Variants in FRMPD4 observed in about 807,000 individuals in gnomAD.
FRMPD4 encodes FERM and PDZ domain containing 4.
Under a neutral mutation model 94.1 loss-of-function variants are expected in FRMPD4, and 22 were observed. That is an observed-to-expected ratio of 0.23 (90% confidence interval 0.17 to 0.33). FRMPD4 has a LOEUF of 0.33. Ranked by LOEUF, FRMPD4 falls within the 10% of genes least tolerant of loss-of-function variation. The probability of loss-of-function intolerance (pLI) is 1.00; values close to 1 mark genes in which losing one functional copy is unlikely to be tolerated. For synonymous variants in FRMPD4, 631 were observed against 548.6 expected, an observed-to-expected ratio of 1.15 and a Z score of -2.10; for missense variants, 1,111 against 1,339.9, an observed-to-expected ratio of 0.83 and a Z score of 2.67.
chrX:12,447,397 C>T (rs1046091330), intron 1 of FRMPD4, among the ~76,000 whole-genome samples: 6 of 111,859 alleles, frequency 5.4e-5, no homozygotes, highest in African/African-American at 2.0e-4. Context: ...GGCAAGTCCC[C>T]CTCATTAAGA....
At chrX:12,440,105 G>A (rs1322241854) in intron 1 of FRMPD4, among the ~76,000 whole-genome samples, 1 of 111,069 alleles carries the variant, frequency 9.0e-6, no homozygotes, top group Admixed American at 9.6e-5. Flanking sequence ...TGATATATAA[G>A]GTTATCAAAT....
At chrX:11,889,645 T>A (rs1462904915) in intron 3 of FRMPD4, among the ~76,000 whole-genome samples, 2 of 112,279 alleles carry the variant, frequency 1.8e-5, no homozygotes, top group Non-Finnish European at 3.8e-5. Context: ...ACAACAAAAA[T>A]TTATTATTTC....
chrX:12,471,520 G>A (rs1457556826), intron 1 of FRMPD4, among the ~76,000 whole-genome samples: 2 of 111,689 alleles, frequency 1.8e-5, no homozygotes, highest in Non-Finnish European at 3.8e-5. Context: ...TTCACAAGGA[G>A]GGTAGTGTGA....
intron 1 of FRMPD4, among the ~76,000 whole-genome samples, chrX:12,426,876 G>GT (rs11401296): frequency 0.32 from 17,885 of 55,870 alleles, 2,365 homozygotes; most frequent in African/African-American, 0.59. Flanking sequence ...TCTAGCTGTA[G>GT]TTTTTTTTTG....
chrX:12,531,613 G>A (rs938533827), intron 2 of FRMPD4, among the ~76,000 whole-genome samples: 1 of 111,650 alleles, frequency 9.0e-6, no homozygotes, highest in African/African-American at 3.3e-5. Flanking sequence ...CATTTTGGGT[G>A]GCAAGGTTCT....
chrX:12,292,781 G>GGAAGCATTAGGTAA (rs2054709460), intron 1 of FRMPD4, among the ~76,000 whole-genome samples: 1 of 111,083 alleles, frequency 9.0e-6, no homozygotes, highest in Non-Finnish European at 1.9e-5. Context: ...GAAGTCTCTT[G>GGAAGCATTAGGTAA]ACACGCATTA....
intron 2 of FRMPD4, among the ~76,000 whole-genome samples, chrX:12,512,387 A>G (rs2058052708): frequency 1.8e-5 from 2 of 111,107 alleles, no homozygotes; most frequent in Non-Finnish European, 3.8e-5. Flanking sequence ...ACAACCCCCA[A>G]CTACAGGCCC....
intron 1 of FRMPD4, among the ~76,000 whole-genome samples, chrX:12,453,288 A>T (rs2057294042): frequency 8.9e-6 from 1 of 112,080 alleles, no homozygotes; most frequent in African/African-American, 3.2e-5. Context: ...TTTTTAAAGC[A>T]AAGTAGCTAC....
chrX:12,048,102 T>G (rs1471430708), intron 3 of FRMPD4, among the ~76,000 whole-genome samples: 1 of 112,877 alleles, frequency 8.9e-6, no homozygotes, highest in African/African-American at 3.2e-5. Flanking sequence ...GCTGCACTAA[T>G]TTACATTCCC....
intron 1 of FRMPD4, among the ~76,000 whole-genome samples, chrX:12,255,100 G>A (rs775449505): frequency 3.6e-5 from 4 of 111,428 alleles, no homozygotes; most frequent in South Asian, 3.8e-4. Context: ...TAATTTTCCC[G>A]TAAATAAAAT....
chrX:12,336,478 C>A (rs1261771584), intron 1 of FRMPD4, among the ~76,000 whole-genome samples: 1 of 111,340 alleles, frequency 9.0e-6, no homozygotes, highest in African/African-American at 3.3e-5. Flanking sequence ...TAGACAACCC[C>A]TTCCAAGAAA....
intron 1 of FRMPD4, among the ~76,000 whole-genome samples, chrX:12,331,828 AT>A (rs1328581346): frequency 2.1e-4 from 10 of 48,365 alleles, no homozygotes; most frequent in African/African-American, 1.1e-3. Flanking sequence ...CTATATATAA[AT>A]TATATATATT....
At chrX:12,352,544 A>G (rs1464374445) in intron 1 of FRMPD4, among the ~76,000 whole-genome samples, 2 of 112,470 alleles carry the variant, frequency 1.8e-5, no homozygotes, top group Non-Finnish European at 3.8e-5. Context: ...ATCAGAAACT[A>G]TTGATAGGAA....
At chrX:12,706,693 T>C (rs4532763) in intron 11 of FRMPD4, 133 bp from the exon 12 acceptor site, 20,494 of 398,832 alleles carry the variant, frequency 0.051, 2,839 homozygotes, top group African/African-American at 0.43. Context: ...TCCTAATGAA[T>C]AGTCTTTGTC....
chrX:11,996,481 G>T (rs2054496896), intron 3 of FRMPD4, among the ~76,000 whole-genome samples: 1 of 112,189 alleles, frequency 8.9e-6, no homozygotes, highest in African/African-American at 3.2e-5. Flanking sequence ...TGCATCTATT[G>T]TGCTCATCTT....
intron 3 of FRMPD4, among the ~76,000 whole-genome samples, chrX:12,050,310 G>A (rs1249079380): frequency 9.0e-6 from 1 of 111,228 alleles, no homozygotes; most frequent in Non-Finnish European, 1.9e-5. Context: ...CCTTTTCTAT[G>A]GTTAAATATG....
intron 1 of FRMPD4, among the ~76,000 whole-genome samples, chrX:11,839,616 T>C (rs1324965986): frequency 9.0e-6 from 1 of 111,669 alleles, no homozygotes; most frequent in African/African-American, 3.2e-5. Flanking sequence ...ATTTATAAGT[T>C]GAAGGTCATG....
At chrX:12,249,422 A>C (rs2054002512) in intron 1 of FRMPD4, among the ~76,000 whole-genome samples, 2 of 111,358 alleles carry the variant, frequency 1.8e-5, no homozygotes, top group African/African-American at 6.5e-5. Flanking sequence ...AAGAGTGTGG[A>C]CAAAGCTAGC....
At chrX:12,269,944 G>A (rs150435602) in intron 1 of FRMPD4, among the ~76,000 whole-genome samples, 448 of 112,344 alleles carry the variant, frequency 4.0e-3, no homozygotes, top group African/African-American at 0.013. Context: ...GGTGAGGGGA[G>A]TGAGAAATAT....
Sources: allele counts gnomAD v4.1 joint callset (sites outside exome capture counted in the v4.1 genomes callset), GRCh38; gene constraint gnomAD v4.1.1; transcripts MANE v1.5; gene names NCBI Gene and HGNC (gene_info 2026-07-23, HGNC 2026-07-21).